Variants in UBE2R2 observed in about 807,000 individuals in gnomAD.
UBE2R2 encodes the protein ubiquitin-conjugating enzyme E2 R2.
In UBE2R2, 1 loss-of-function variant was observed where a neutral mutation model predicts 27.8. That is an observed-to-expected ratio of 0.04 (90% CI 0.01 to 0.17). The LOEUF (loss-of-function observed/expected upper bound fraction) is 0.17. Among genes scored for constraint, UBE2R2 ranks in the 10% least tolerant of loss-of-function variants. The probability of loss-of-function intolerance (pLI) is 1.00; values close to 1 mark genes in which losing one functional copy is unlikely to be tolerated. For missense variants in UBE2R2, 100 were observed against 291.0 expected (o/e 0.34, Z 4.78); for synonymous variants, 106 against 113.3 (o/e 0.94, Z 0.41).
intron 1 of UBE2R2, among the ~76,000 whole-genome samples, chr9:33,886,549 G>GGAGGA (rs1455458604): frequency 6.6e-6 from 1 of 151,862 alleles, no homozygotes; most frequent in Non-Finnish European, 1.5e-5. Flanking sequence ...CAGCTACTCG[G>GGAGGA]GAGGCTGAGG....
intron 1 of UBE2R2, among the ~76,000 whole-genome samples, chr9:33,831,682 C>A (rs1265001722): frequency 6.6e-6 from 1 of 151,962 alleles, no homozygotes; most frequent in Admixed American, 6.6e-5. Context: ...GTTTTTGAGA[C>A]GGAGTCTCAC....
chr9:33,849,601 C>G (rs115171789), intron 1 of UBE2R2, among the ~76,000 whole-genome samples: 2 of 151,688 alleles, frequency 1.3e-5, no homozygotes, highest in South Asian at 2.1e-4. Context: ...CCTGTAATCC[C>G]AGCACTTTGG....
At chr9:33,834,903 T>C (rs1820581583) in intron 1 of UBE2R2, among the ~76,000 whole-genome samples, 1 of 144,516 alleles carries the variant, frequency 6.9e-6, no homozygotes, top group African/African-American at 2.6e-5. Context: ...AGACCGAAAC[T>C]CTGTCTCAGG....
intron 1 of UBE2R2, among the ~76,000 whole-genome samples, chr9:33,864,096 G>A (rs940257904): frequency 6.6e-6 from 1 of 152,094 alleles, no homozygotes. Context: ...TAAAGTGCTG[G>A]GATTACAGGT....
intron 3 of UBE2R2, among the ~76,000 whole-genome samples, chr9:33,902,209 T>G (rs1272535995): frequency 6.6e-6 from 1 of 152,106 alleles, no homozygotes; most frequent in Non-Finnish European, 1.5e-5. Flanking sequence ...CCAAAGCACC[T>G]GGACTAATTT....
chr9:33,835,718 C>CAA (rs914835396), intron 1 of UBE2R2, among the ~76,000 whole-genome samples: 1 of 136,236 alleles, frequency 7.3e-6, no homozygotes, highest in Non-Finnish European at 1.6e-5. Flanking sequence ...CCCGTTTCTA[C>CAA]AAAAAAAAAA....
chr9:33,819,454 G>A (rs535237722), intron 1 of UBE2R2, among the ~76,000 whole-genome samples: 1 of 152,258 alleles, frequency 6.6e-6, no homozygotes, highest in South Asian at 2.1e-4. Flanking sequence ...TTCATCTTTT[G>A]TGGTCAGCCT....
chr9:33,834,193 TTTTTTTTTTTC>T (rs1820560963), intron 1 of UBE2R2, among the ~76,000 whole-genome samples: 1 of 80,328 alleles, frequency 1.2e-5, no homozygotes, highest in African/African-American at 4.9e-5. Context: ...TTGGAGCTTC[TTTTTTTTTTTC>T]TTTTTTTTTT....
At chr9:33,853,771 C>G (rs1041527427) in intron 1 of UBE2R2, among the ~76,000 whole-genome samples, 1 of 146,398 alleles carries the variant, frequency 6.8e-6, no homozygotes, top group Non-Finnish European at 1.5e-5. Flanking sequence ...TTACTTCCTT[C>G]CAATTTTTTT....
intron 1 of UBE2R2, among the ~76,000 whole-genome samples, chr9:33,822,078 T>TTTATATA (rs1825990598): frequency 6.7e-6 from 1 of 149,170 alleles, no homozygotes; most frequent in Admixed American, 6.7e-5. Context: ...GACTCAACAC[T>TTTATATA]GACATATATA....
chr9:33,887,271 ATAATG>A (rs1206844854), intron 2 of UBE2R2, among the ~76,000 whole-genome samples: 1 of 152,220 alleles, frequency 6.6e-6, no homozygotes, highest in Non-Finnish European at 1.5e-5. Context: ...AATTTAGTAG[ATAATG>A]TAATATAAAT....
chr9:33,912,849 AC>A (rs2130822663), intron 4 of UBE2R2, among the ~76,000 whole-genome samples: 1 of 152,318 alleles, frequency 6.6e-6, no homozygotes, highest in East Asian at 1.9e-4. Context: ...AAAAAGCTTA[AC>A]CTTTAATCTC....
Position 33,817,743 on chromosome 9 carries a change from G to T in UBE2R2, c.-15G>T. ...GGGGCCCGGGCCCGGCGCCGCCGCC[G>T]CCGCCGCCGCCGCGATGGCCCAGCA... is the stretch of plus-strand genomic sequence containing the variant. On this transcript the variant is annotated 5_prime_UTR_variant, in exon 1 of 5. Coordinates refer to ENST00000263228, the MANE Select transcript of UBE2R2 (RefSeq NM_017811.4). The T allele has an allele frequency of 6.7e-7, 1 of 1,491,976 alleles. No individual in the cohort carries two copies. The highest frequency in any genetic ancestry group is 8.9e-7 in the Non-Finnish European group (1 of 1,118,814). 92.4% of individuals were successfully genotyped at this position (1,491,976 alleles called of 1,614,324 possible).
intron 3 of UBE2R2, among the ~76,000 whole-genome samples, chr9:33,904,637 G>A (rs997061782): frequency 6.6e-6 from 1 of 152,210 alleles, no homozygotes. Context: ...GATCTGGTGA[G>A]TAGTGAGAGT....
chr9:33,912,122 T>A, intron 4 of UBE2R2, 24 bp downstream of exon 4: 1 of 1,590,208 alleles, frequency 6.3e-7, no homozygotes, highest in South Asian at 1.2e-5. Flanking sequence ...TTTTATTACC[T>A]CAAGTTATAC....
At chr9:33,825,693 G>A (rs1183467855) in intron 1 of UBE2R2, among the ~76,000 whole-genome samples, 3 of 152,192 alleles carry the variant, frequency 2.0e-5, no homozygotes, top group East Asian at 1.9e-4. Flanking sequence ...TGATAATCTA[G>A]TTATGGAAAA....
intron 2 of UBE2R2, among the ~76,000 whole-genome samples, chr9:33,894,417 G>A (rs1822053314): frequency 6.6e-6 from 1 of 152,132 alleles, no homozygotes; most frequent in Non-Finnish European, 1.5e-5. Context: ...TTGGAGAAAT[G>A]TCTGTCCTAG....
intron 1 of UBE2R2, among the ~76,000 whole-genome samples, chr9:33,876,654 G>A (rs1004298734): frequency 1.3e-5 from 2 of 152,094 alleles, no homozygotes; most frequent in African/African-American, 2.4e-5. Flanking sequence ...GGTGGCTCAC[G>A]CCTGTAATCC....
rs1222398722 is a variant in UBE2R2, at chr9:33,917,917, G to A, written c.*680G>A. On this transcript the variant is annotated 3_prime_UTR_variant, in exon 5 of 5. Coordinates refer to ENST00000263228, the MANE Select transcript of UBE2R2 (RefSeq NM_017811.4). ...ATGGAGGCCTCAGCTGCTCTGAGGA[G>A]AGAAATCAGACTTTGTTTTTTGAAA... The A allele has an allele frequency of 6.5e-6, 1 of 153,766 alleles. No homozygotes were observed. Among genetic ancestry groups the A allele is most frequent in the African/African-American group, 2.4e-5 (1 of 41,440 alleles). 9.5% of individuals were successfully genotyped at this position (153,766 alleles called of 1,614,324 possible).
Sources: allele counts gnomAD v4.1 joint callset (sites outside exome capture counted in the v4.1 genomes callset), GRCh38; gene constraint gnomAD v4.1.1; transcripts MANE v1.5; gene names NCBI Gene and HGNC (gene_info 2026-07-23, HGNC 2026-07-21).